Variants in AGMO observed in about 807,000 individuals in gnomAD.
AGMO encodes alkylglycerol monooxygenase.
In AGMO, 75 loss-of-function variants were observed where a neutral mutation model predicts 60.2. The observed-to-expected ratio is 1.25, with a 90% CI of 1.03 to 1.51. The LOEUF is 1.51. Ranked by LOEUF, AGMO falls within the 40% of genes most tolerant of loss-of-function variation. The pLI is 0.00. For missense variants in AGMO, 763 were observed against 525.5 expected (o/e 1.45, Z -4.42); for synonymous variants, 261 against 177.1 (o/e 1.47, Z -3.76).
chr7:15,378,856 A>G (rs1783563706), intron 10 of AGMO, among the ~76,000 whole-genome samples: 1 of 151,998 alleles, frequency 6.6e-6, no homozygotes, highest in Admixed American at 6.6e-5. Context: ...ATCAATCACA[A>G]AAATGAAAGT....
chr7:15,433,875 C>T (rs7783904), intron 3 of AGMO, among the ~76,000 whole-genome samples: 47,407 of 151,572 alleles, frequency 0.31, 7,852 homozygotes, highest in Middle Eastern at 0.4. Flanking sequence ...ATATATTGGC[C>T]AACACTTCCA....
intron 12 of AGMO, among the ~76,000 whole-genome samples, chr7:15,236,839 C>G (rs978331939): frequency 1.3e-5 from 2 of 151,856 alleles, no homozygotes; most frequent in Non-Finnish European, 2.9e-5. Flanking sequence ...GATTATATGA[C>G]AACCAAACTG....
At chr7:15,485,639 G>A (rs1377081582) in intron 3 of AGMO, among the ~76,000 whole-genome samples, 2 of 152,140 alleles carry the variant, frequency 1.3e-5, no homozygotes, top group African/African-American at 4.8e-5. Context: ...GGGAGTCTTA[G>A]AGAAGTTAGG....
intron 10 of AGMO, among the ~76,000 whole-genome samples, chr7:15,375,053 CA>C (rs549453325): frequency 2.6e-5 from 4 of 152,020 alleles, no homozygotes; most frequent in Non-Finnish European, 5.9e-5. Context: ...TAGAGAACAC[CA>C]AAGGGTTGTG....
intron 3 of AGMO, among the ~76,000 whole-genome samples, chr7:15,480,829 C>T (rs570227663): frequency 2.0e-5 from 3 of 151,986 alleles, no homozygotes; most frequent in African/African-American, 7.2e-5. Context: ...TCAAACACCA[C>T]CTAAGATTAA....
intron 3 of AGMO, among the ~76,000 whole-genome samples, chr7:15,530,881 A>G (rs1228830564): frequency 1.4e-5 from 2 of 140,318 alleles, no homozygotes; most frequent in East Asian, 2.0e-4. Flanking sequence ...AGATGACTGT[A>G]TTCCAGATGA....
the AGMO span, among the ~76,000 whole-genome samples, chr7:15,194,986 T>C: frequency 6.6e-6 from 1 of 152,134 alleles, no homozygotes; most frequent in Non-Finnish European, 1.5e-5. Context: ...GAAAGGGATG[T>C]GTTGGTTGGA....
chr7:15,351,259 A>G (rs577044420), intron 12 of AGMO, among the ~76,000 whole-genome samples: 2 of 152,296 alleles, frequency 1.3e-5, no homozygotes, highest in East Asian at 1.9e-4. Context: ...ACATATGTAG[A>G]TAACATCAGA....
chr7:15,390,408 G>C (rs997580088), intron 8 of AGMO, among the ~76,000 whole-genome samples: 11 of 152,190 alleles, frequency 7.2e-5, no homozygotes, highest in African/African-American at 2.7e-4. Context: ...TCCATTCTGA[G>C]AAAGGATATG....
intron 5 of AGMO, among the ~76,000 whole-genome samples, chr7:15,404,232 A>C (rs1029916482): frequency 6.6e-6 from 1 of 151,922 alleles, no homozygotes; most frequent in South Asian, 2.1e-4. Context: ...TTATACAATA[A>C]ACAAAAGTTT....
chr7:15,381,253 T>A (rs181134667), intron 10 of AGMO, among the ~76,000 whole-genome samples: 637 of 152,210 alleles, frequency 4.2e-3, no homozygotes, highest in Middle Eastern at 6.8e-3. Context: ...ACCTACAGAA[T>A]GGGAGAAAAG....
At chr7:15,201,918 G>A (rs2115464690) in intron 12 of AGMO, among the ~76,000 whole-genome samples, 1 of 152,170 alleles carries the variant, frequency 6.6e-6, no homozygotes, top group Non-Finnish European at 1.5e-5. Context: ...AGACTTAACT[G>A]AATCATATTA....
chr7:15,263,833 T>G (rs999844156), intron 12 of AGMO, among the ~76,000 whole-genome samples: 1 of 152,140 alleles, frequency 6.6e-6, no homozygotes, highest in Non-Finnish European at 1.5e-5. Flanking sequence ...AAACATCGTA[T>G]GTTCTCACTT....
intron 3 of AGMO, among the ~76,000 whole-genome samples, chr7:15,451,735 A>C (rs1781861234): frequency 6.6e-6 from 1 of 152,166 alleles, no homozygotes. Context: ...TTGAGTTATG[A>C]ATGATTTGCA....
intron 12 of AGMO, among the ~76,000 whole-genome samples, chr7:15,320,567 G>T (rs1344620251): frequency 6.6e-6 from 1 of 152,028 alleles, no homozygotes; most frequent in African/African-American, 2.4e-5. Flanking sequence ...CATAATTGGG[G>T]AATAATAAAA....
the AGMO span, among the ~76,000 whole-genome samples, chr7:15,130,299 C>T: frequency 6.6e-6 from 1 of 151,140 alleles, no homozygotes; most frequent in African/African-American, 2.4e-5. Flanking sequence ...TCTCACTTAC[C>T]CCACCTTTTT....
chr7:15,264,325 C>A (rs992024003), intron 12 of AGMO, among the ~76,000 whole-genome samples: 1 of 151,674 alleles, frequency 6.6e-6, no homozygotes, highest in African/African-American at 2.4e-5. Flanking sequence ...GAAATAATTG[C>A]CATATATTCT....
chr7:15,530,752 A>C (rs899567267), intron 3 of AGMO, among the ~76,000 whole-genome samples: 1 of 140,860 alleles, frequency 7.1e-6, no homozygotes, highest in Non-Finnish European at 1.5e-5. Flanking sequence ...ATTTCTATAT[A>C]GATATTCTAT....
At chr7:15,121,321 C>T in the AGMO span, among the ~76,000 whole-genome samples, 1 of 152,056 alleles carries the variant, frequency 6.6e-6, no homozygotes, top group Non-Finnish European at 1.5e-5. Flanking sequence ...ATTCATAATC[C>T]TTTGGGTATA....
Sources: allele counts gnomAD v4.1 joint callset (sites outside exome capture counted in the v4.1 genomes callset), GRCh38; gene constraint gnomAD v4.1.1; transcripts MANE v1.5; gene names NCBI Gene and HGNC (gene_info 2026-07-23, HGNC 2026-07-21).